GATAD2B: variants seen among roughly 807,000 people sequenced by gnomAD.
The protein encoded by GATAD2B is transcriptional repressor p66-beta.
In GATAD2B, 8 loss-of-function variants were observed where a neutral mutation model predicts 64.3. The ratio of observed to expected loss-of-function variants is 0.12; its 90% confidence interval spans 0.07 to 0.22. The LOEUF is 0.22. GATAD2B is among the 10% of genes least tolerant of loss of function. GATAD2B has a pLI of 1.00. For missense variants in GATAD2B, 453 were observed against 752.0 expected (o/e 0.60, Z 4.65); for synonymous variants, 281 against 271.3 (o/e 1.04, Z -0.35).
chr1:153,914,566 T>C (rs1173081678), intron 1 of GATAD2B: 1 of 152,178 alleles, frequency 6.6e-6, no homozygotes, highest in Non-Finnish European at 1.5e-5. Flanking sequence ...CATAGGAGTA[T>C]TTATTCAGCA....
chr1:153,880,649 G>A (rs1174175554), intron 1 of GATAD2B, among the ~76,000 whole-genome samples: 1 of 151,786 alleles, frequency 6.6e-6, no homozygotes, highest in Non-Finnish European at 1.5e-5. Context: ...AGACCCACCA[G>A]CCTGGACAAC....
chr1:153,885,652 G>A (rs1458840940), intron 1 of GATAD2B, among the ~76,000 whole-genome samples: 1 of 152,004 alleles, frequency 6.6e-6, no homozygotes, highest in Admixed American at 6.6e-5. Flanking sequence ...TGGATCACGA[G>A]GAGATTGAGA....
chr1:153,855,505 C>T (rs1035144160), intron 1 of GATAD2B, among the ~76,000 whole-genome samples: 8 of 152,122 alleles, frequency 5.3e-5, no homozygotes, highest in Admixed American at 3.9e-4. Context: ...GCTGGGATTA[C>T]GGGCGTGAGC....
chr1:153,911,317 C>T (rs1678101717), intron 1 of GATAD2B, among the ~76,000 whole-genome samples: 2 of 152,228 alleles, frequency 1.3e-5, no homozygotes, highest in East Asian at 1.9e-4. Flanking sequence ...GATACACATA[C>T]ACACAAATCA....
chr1:153,819,567 G>C, intron 3 of GATAD2B, 39 bp downstream of exon 3: 1 of 1,393,552 alleles, frequency 7.2e-7, no homozygotes, highest in Non-Finnish European at 9.9e-7. Context: ...AAAATAGAAG[G>C]AGCATAACAA....
At chr1:153,906,238 T>C (rs1012370991) in intron 1 of GATAD2B, among the ~76,000 whole-genome samples, 12 of 151,570 alleles carry the variant, frequency 7.9e-5, no homozygotes, top group Non-Finnish European at 1.3e-4. Flanking sequence ...GCCAATATGG[T>C]GAAACCCCAT....
At position 153,816,059 on chromosome 1, in the gene GATAD2B, A is replaced by ACACACAC. The variant is rs1674470012; in HGVS notation, c.1216+213_1216+214insGTGTGTG. ...CAGAGCGAGACTGCATCTCAAACAA[A>ACACACAC]ACACACACACACACACACACACACA... On this transcript the variant is annotated intron_variant, in intron 7 of 10. Transcript: ENST00000368655. This position sits in a 1 kb window ranked among gnomAD's most constrained non-coding sequence, Gnocchi z 4.9. Among the ~76,000 whole-genome samples, 1 of 141,792 alleles carries ACACACAC rather than the reference A, an allele frequency of 7.1e-6. No homozygotes were observed. The highest frequency in any genetic ancestry group is 7.2e-5 in the Admixed American group (1 of 13,828). 93.0% of individuals were successfully genotyped at this position (141,792 alleles called of 152,430 possible).
intron 1 of GATAD2B, among the ~76,000 whole-genome samples, chr1:153,838,134 T>A (rs745686763): frequency 6.6e-6 from 1 of 152,286 alleles, no homozygotes; most frequent in Non-Finnish European, 1.5e-5. Flanking sequence ...ACAACACAGG[T>A]CTAGCTCATT....
intron 1 of GATAD2B, among the ~76,000 whole-genome samples, chr1:153,834,557 A>G (rs918075709): frequency 3.3e-5 from 5 of 151,686 alleles, no homozygotes; most frequent in African/African-American, 1.2e-4. Context: ...GGCCCAGCTA[A>G]TTTTGTATTT....
chr1:153,908,418 C>CTTT (rs1397575208), intron 1 of GATAD2B, among the ~76,000 whole-genome samples: 1 of 151,946 alleles, frequency 6.6e-6, no homozygotes, highest in Non-Finnish European at 1.5e-5. Context: ...AGTAAAAGAT[C>CTTT]TTACAACTAA....
intron 1 of GATAD2B, among the ~76,000 whole-genome samples, chr1:153,914,227 CAAAAAAAAAAAAA>C (rs759245034): frequency 7.6e-5 from 5 of 65,986 alleles, no homozygotes; most frequent in African/African-American, 3.0e-4. Context: ...CCCAGACTCT[CAAAAAAAAAAAAA>C]AAAAAAAAAA....
intron 1 of GATAD2B, among the ~76,000 whole-genome samples, chr1:153,861,809 T>TATATATATATATATACACACACACAC (rs1294838675): frequency 1.6e-5 from 2 of 122,186 alleles, no homozygotes; most frequent in African/African-American, 6.0e-5. Context: ...TATATATATA[T>TATATATATATATATACACACACACAC]ACACATATGT....
At chr1:153,911,857 A>G (rs1437217405) in intron 1 of GATAD2B, among the ~76,000 whole-genome samples, 7 of 152,334 alleles carry the variant, frequency 4.6e-5, no homozygotes, top group East Asian at 1.9e-4. Context: ...TCCGTGCACC[A>G]TAACAGTATC....
At chr1:153,893,559 G>A (rs576837333) in intron 1 of GATAD2B, among the ~76,000 whole-genome samples, 136 of 151,786 alleles carry the variant, frequency 9.0e-4, no homozygotes, top group African/African-American at 2.8e-3. Flanking sequence ...GCAGTGAGCC[G>A]AGATCACAAC....
At chr1:153,908,781 G>GAA (rs1557832980) in intron 1 of GATAD2B, among the ~76,000 whole-genome samples, 3 of 29,192 alleles carry the variant, frequency 1.0e-4, no homozygotes, top group Non-Finnish European at 1.3e-4. Flanking sequence ...AAACATACTT[G>GAA]GAAAAAAAAA....
At chr1:153,845,404 AAT>A (rs1318085236) in intron 1 of GATAD2B, among the ~76,000 whole-genome samples, 16 of 151,306 alleles carry the variant, frequency 1.1e-4, no homozygotes, top group African/African-American at 3.2e-4. Context: ...AAAAAAAAAA[AAT>A]TCCAGCCTAT....
At chr1:153,875,947 G>C (rs1279163763) in intron 1 of GATAD2B, among the ~76,000 whole-genome samples, 3 of 151,962 alleles carry the variant, frequency 2.0e-5, no homozygotes, top group African/African-American at 7.2e-5. Context: ...TCACAGTCCA[G>C]GCCAGGCACA....
chr1:153,827,279 A>G (rs1674918388), intron 2 of GATAD2B, among the ~76,000 whole-genome samples: 1 of 150,734 alleles, frequency 6.6e-6, no homozygotes, highest in Non-Finnish European at 1.5e-5. Context: ...AAAAACTCAT[A>G]AAAAACAAAA....
chr1:153,831,103 G>C (rs1293914324), intron 1 of GATAD2B, among the ~76,000 whole-genome samples: 2 of 152,076 alleles, frequency 1.3e-5, no homozygotes, highest in Admixed American at 6.6e-5. Context: ...CTGAATTTTG[G>C]GTTAATGCTT....
Sources: allele counts gnomAD v4.1 joint callset (sites outside exome capture counted in the v4.1 genomes callset), GRCh38; gene constraint gnomAD v4.1.1; non-coding constraint Gnocchi (gnomAD v3.1); transcripts MANE v1.5; gene names NCBI Gene and HGNC (gene_info 2026-07-23, HGNC 2026-07-21).